The following CUBN variants were observed in gnomAD, a reference collection of about 807,000 sequenced individuals.
The protein encoded by CUBN is 460 kDa receptor.
Under a neutral mutation model 405.3 loss-of-function variants are expected in CUBN, and 282 were observed. The observed-to-expected ratio is 0.70, with a 90% CI of 0.63 to 0.77. The LOEUF is 0.77. Ranked by LOEUF, CUBN falls within the 30% of genes least tolerant of loss-of-function variation. The probability of loss-of-function intolerance (pLI) is 0.00; values close to 1 mark genes in which losing one functional copy is unlikely to be tolerated. For missense variants in CUBN, 4,514 were observed against 4,475.2 expected, an observed-to-expected ratio of 1.01 and a Z score of -0.25; for synonymous variants, 1,684 against 1,617.0, an observed-to-expected ratio of 1.04 and a Z score of -0.99.
intron 5 of CUBN, among the ~76,000 whole-genome samples, chr10:17,123,129 C>T (rs545754941): frequency 1.3e-5 from 2 of 152,268 alleles, no homozygotes; most frequent in Admixed American, 6.5e-5. Context: ...GGAGAGGAAT[C>T]CTTATCTAAA....
intron 59 of CUBN, among the ~76,000 whole-genome samples, chr10:16,868,132 T>C (rs1052070842): frequency 1.3e-5 from 2 of 152,086 alleles, no homozygotes; most frequent in African/African-American, 2.4e-5. Flanking sequence ...ACAATTCTGT[T>C]AAGGCAACAC....
At chr10:17,057,355 T>A (rs537621673) in intron 22 of CUBN, among the ~76,000 whole-genome samples, 1 of 152,116 alleles carries the variant, frequency 6.6e-6, no homozygotes, top group Non-Finnish European at 1.5e-5. Context: ...CTGGGTGTTG[T>A]CATGGCAATG....
At chr10:17,016,663 T>C (rs1834336671) in intron 28 of CUBN, among the ~76,000 whole-genome samples, 1 of 152,116 alleles carries the variant, frequency 6.6e-6, no homozygotes, top group Non-Finnish European at 1.5e-5. Context: ...CCCCTACAGC[T>C]TGAAGGGTAC....
At chr10:16,847,746 C>T (rs966366005) in intron 60 of CUBN, among the ~76,000 whole-genome samples, 24 of 152,142 alleles carry the variant, frequency 1.6e-4, no homozygotes, top group African/African-American at 5.6e-4. Flanking sequence ...GATTCAGTTA[C>T]CGTAATTACT....
intron 60 of CUBN, among the ~76,000 whole-genome samples, chr10:16,842,675 C>A (rs1339420516): frequency 6.6e-6 from 1 of 152,216 alleles, no homozygotes; most frequent in Non-Finnish European, 1.5e-5. Flanking sequence ...CACTGAACTG[C>A]CTGCATGTCT....
chr10:16,942,808 A>AAAGGAAG lies in CUBN; in HGVS notation c.5343-2572_5343-2571insCTTCCTT, dbSNP rs1443987283. ...AAAAGGGAAGGGAAGGGAAGGGAAA[A>AAAGGAAG]GGAAGGGAAGGGAAGGGAAAAGGAA... On this transcript the variant is annotated intron_variant, in intron 36 of 66. Transcript: ENST00000377833. Among the ~76,000 whole-genome samples the AAAGGAAG allele has an allele frequency of 1.8e-3, 166 of 94,712 alleles. 2 individuals are homozygous for AAAGGAAG. The highest frequency in any genetic ancestry group is 7.8e-3 in the African/African-American group (161 of 20,606). 62.1% of individuals were successfully genotyped at this position (94,712 alleles called of 152,430 possible).
chr10:16,948,641 G>T, intron 34 of CUBN, 35 bp from the exon 35 acceptor site: 1 of 1,611,944 alleles, frequency 6.2e-7, no homozygotes, highest in South Asian at 1.1e-5. Flanking sequence ...GAGAATGAAT[G>T]ACAACATGGC....
intron 41 of CUBN, among the ~76,000 whole-genome samples, chr10:16,926,783 T>C (rs1453487206): frequency 6.6e-6 from 1 of 150,938 alleles, no homozygotes; most frequent in Non-Finnish European, 1.5e-5. Context: ...AATAAAGTGT[T>C]CAACTTTCAA....
At chr10:16,915,284 A>G (rs2131456731) in intron 46 of CUBN, 112 bp from the exon 47 acceptor site, 5 of 1,258,440 alleles carry the variant, frequency 4.0e-6, no homozygotes, top group Non-Finnish European at 5.7e-6. Flanking sequence ...GACCCTGCCT[A>G]TGAAGAAACG....
intron 14 of CUBN, among the ~76,000 whole-genome samples, chr10:17,097,078 C>T (rs944747004): frequency 6.6e-6 from 1 of 151,764 alleles, no homozygotes; most frequent in Non-Finnish European, 1.5e-5. Flanking sequence ...CAAAATAACA[C>T]AAGGGAAGAA....
Position 16,984,249 on chromosome 10 carries a change from T to C in CUBN, c.4381A>G (p.Arg1461Gly). 1 of 1,614,160 alleles carries C rather than the reference T, an allele frequency of 6.2e-7. No individual in the cohort carries two copies. Among genetic ancestry groups the C allele is most frequent in the Non-Finnish European group, 8.5e-7 (1 of 1,180,030 alleles). The change falls in exon 30 of 67, where the codon AGA (arginine) becomes GGA (glycine). Residue 1461 changes from arginine (R) to glycine (G), a missense_variant. Physicochemically the swap from Arg to Gly is moderately radical, Grantham distance 125 (BLOSUM62 -2). Transcript: ENST00000377833. ...CTCTGGGTACACAGTTGGGCTATTC[T>C]GGGAGAGTGGAAATCGGGGCCTCCA... ...IYGGPDFHSP[R>G]IAQLCTQRSP...
At chr10:16,911,225 T>C (rs936617362) in intron 48 of CUBN, among the ~76,000 whole-genome samples, 1 of 152,184 alleles carries the variant, frequency 6.6e-6, no homozygotes, top group Non-Finnish European at 1.5e-5. Context: ...TTATTATTCC[T>C]TAGGAAAACA....
rs1564395242 is a variant in CUBN, at chr10:16,869,787, AC to A, written c.9302del (p.Gly3101ValfsTer21). 6.2e-7 allele frequency: 1 copy of A among 1,614,170 alleles called. No homozygotes were observed. The highest frequency in any genetic ancestry group is 8.5e-7 in the Non-Finnish European group (1 of 1,180,002). On this transcript the variant is annotated frameshift_variant, in exon 59 of 67. Transcript: ENST00000377833. LOFTEE classifies it high-confidence loss of function. The part of the protein sequence containing the change: ...CSHDYLAIYD[G>X]ANTSDPLLGK... ...CAAGAAGGGGATCGCTGGTATTGGC[AC>A]CATCGTAAATTGCCAGGTAGTCATG...
intron 28 of CUBN, among the ~76,000 whole-genome samples, chr10:16,991,630 T>C (rs1564466404): frequency 7.0e-6 from 1 of 143,608 alleles, no homozygotes; most frequent in African/African-American, 2.5e-5. Context: ...CCTCTTTTTC[T>C]GTTTTTTTTT....
intron 65 of CUBN, among the ~76,000 whole-genome samples, chr10:16,830,786 T>C (rs1234847158): frequency 2.6e-5 from 4 of 152,172 alleles, no homozygotes; most frequent in Non-Finnish European, 5.9e-5. Flanking sequence ...ACAGAAATAA[T>C]GAATAAATGT....
intron 60 of CUBN, among the ~76,000 whole-genome samples, chr10:16,844,049 C>T (rs536890016): frequency 3.9e-5 from 6 of 151,974 alleles, no homozygotes; most frequent in Admixed American, 2.6e-4. Flanking sequence ...GCAGGCGGAT[C>T]GCCTGAGGTC....
At chr10:16,861,916 TGAG>T (rs1223263183) in intron 59 of CUBN, among the ~76,000 whole-genome samples, 1 of 152,010 alleles carries the variant, frequency 6.6e-6, no homozygotes, top group African/African-American at 2.4e-5. Flanking sequence ...TTTGGGAGCC[TGAG>T]GAGGGTGGAT....
chr10:16,837,654 C>G (rs148419622), intron 62 of CUBN, among the ~76,000 whole-genome samples: 5 of 152,178 alleles, frequency 3.3e-5, no homozygotes, highest in African/African-American at 7.2e-5. Flanking sequence ...CACTGAACAT[C>G]CTCCGTAACC....
chr10:16,934,192 C>A (rs1842435532), intron 39 of CUBN, among the ~76,000 whole-genome samples: 1 of 152,156 alleles, frequency 6.6e-6, no homozygotes, highest in African/African-American at 2.4e-5. Flanking sequence ...ATGACTCTTA[C>A]TTAGATTCAG....
Sources: gnomAD v4.1 joint callset for allele counts (sites outside exome capture counted in the v4.1 genomes callset) on GRCh38, gnomAD v4.1.1 for gene constraint, MANE v1.5 for transcripts, NCBI Gene and HGNC (gene_info 2026-07-23, HGNC 2026-07-21) for gene names.